The following HECW1 variants were observed in gnomAD, a reference collection of about 807,000 sequenced individuals.
HECW1 encodes the protein E3 ubiquitin-protein ligase HECW1.
A neutral mutation model predicts 182.3 loss-of-function variants in HECW1; 61 were observed. That is an observed-to-expected ratio of 0.33 (90% CI 0.27 to 0.41). HECW1 has a LOEUF of 0.41. Ranked by LOEUF, HECW1 falls within the 10% of genes least tolerant of loss-of-function variation. The pLI is 1.00. For synonymous variants in HECW1, 859 were observed against 832.6 expected (o/e 1.03, Z -0.55); for missense variants, 1,739 against 2,108.9 (o/e 0.82, Z 3.44).
At chr7:43,440,919 C>G (rs2076867908) in intron 9 of HECW1, among the ~76,000 whole-genome samples, 2 of 152,102 alleles carry the variant, frequency 1.3e-5, no homozygotes, top group South Asian at 4.2e-4. Context: ...TCTCATAATG[C>G]CAGTGTTTTC....
chr7:43,412,035 C>G (rs1215465072), intron 8 of HECW1, among the ~76,000 whole-genome samples: 1 of 152,024 alleles, frequency 6.6e-6, no homozygotes, highest in African/African-American at 2.4e-5. Flanking sequence ...CCCTTCTTGA[C>G]TTGTTTTTGG....
At chr7:43,310,374 C>G (rs1447275917) in intron 3 of HECW1, among the ~76,000 whole-genome samples, 1 of 152,200 alleles carries the variant, frequency 6.6e-6, no homozygotes, top group Non-Finnish European at 1.5e-5. Context: ...CATGGTCCAT[C>G]TATTTTCATA....
chr7:43,499,313 C>T (rs926470256), intron 19 of HECW1, among the ~76,000 whole-genome samples: 1 of 151,720 alleles, frequency 6.6e-6, no homozygotes, highest in Non-Finnish European at 1.5e-5. Context: ...AAAGAAAATA[C>T]AAAAACCTAG....
chr7:43,352,952 T>TG (rs797021271), intron 5 of HECW1, among the ~76,000 whole-genome samples: 122 of 151,996 alleles, frequency 8.0e-4, no homozygotes, highest in African/African-American at 2.8e-3. Context: ...TGTAGGAAGG[T>TG]GGGGGGGCAG....
chr7:43,201,713 A>C (rs1795030183), intron 2 of HECW1, among the ~76,000 whole-genome samples: 1 of 152,262 alleles, frequency 6.6e-6, no homozygotes, highest in South Asian at 2.1e-4. Context: ...AATCTTGGTC[A>C]GAGAATTTGT....
At chr7:43,280,673 G>A (rs575952688) in intron 3 of HECW1, among the ~76,000 whole-genome samples, 17 of 152,292 alleles carry the variant, frequency 1.1e-4, no homozygotes, top group African/African-American at 2.9e-4. Context: ...CCAGCACCCC[G>A]TTTCTGTGAT....
intron 24 of HECW1, among the ~76,000 whole-genome samples, chr7:43,524,736 CT>C (rs1465213461): frequency 3.3e-5 from 5 of 152,208 alleles, no homozygotes; most frequent in Non-Finnish European, 5.9e-5. Flanking sequence ...CAAGTTCCTA[CT>C]AGAGACTGTG....
intron 2 of HECW1, among the ~76,000 whole-genome samples, chr7:43,148,980 A>G (rs376723506): frequency 5.3e-5 from 8 of 152,230 alleles, no homozygotes; most frequent in East Asian, 3.9e-4. Flanking sequence ...GTTCTTCCCT[A>G]CAGAAGAATT....
intron 24 of HECW1, among the ~76,000 whole-genome samples, chr7:43,533,613 T>C (rs1182980105): frequency 6.9e-6 from 1 of 145,268 alleles, no homozygotes; most frequent in Non-Finnish European, 1.6e-5. Flanking sequence ...CTCCAGAAGA[T>C]GCCATAGTGG....
chr7:43,274,578 T>C (rs548813551), intron 3 of HECW1: 1 of 493,094 alleles, frequency 2.0e-6, no homozygotes, highest in Admixed American at 2.6e-5. Context: ...AACATCTTCT[T>C]TTAGGTGCAG....
intron 2 of HECW1, among the ~76,000 whole-genome samples, chr7:43,159,339 CA>C (rs1790252543): frequency 6.6e-6 from 1 of 151,204 alleles, no homozygotes; most frequent in Admixed American, 6.6e-5. Context: ...CCCCAGCCCC[CA>C]ACCCCCCGAC....
chr7:43,169,482 A>G lies in HECW1; in HGVS notation c.-32+55091A>G, dbSNP rs545160855. Among the ~76,000 whole-genome samples, 11 of 152,232 alleles carry G rather than the reference A, an allele frequency of 7.2e-5. No individual in the cohort carries two copies. In the East Asian group the frequency reaches 1.9e-3, roughly 27 times the overall value. ...CCCTGGGAGATACACCCTTTTCCCC[A>G]TTGAGAACCACTGGTGTCCAGAGAA... On this transcript the variant is annotated intron_variant, in intron 2 of 29. Transcript: ENST00000395891.
At position 43,414,902 on chromosome 7, in the gene HECW1, T is replaced by C. The variant is rs553599474; in HGVS notation, c.801+7171T>C. On this transcript the variant is annotated intron_variant, in intron 8 of 29. Coordinates refer to ENST00000395891, the MANE Select transcript of HECW1 (RefSeq NM_015052.5). ...TTTGCATCAATGTTCATCAAGGATATTGGTCTAAAATTCTCTTTTTTGGTT... is the reference window on the plus strand; with the variant it reads ...TTTGCATCAATGTTCATCAAGGATACTGGTCTAAAATTCTCTTTTTTGGTT... Among the ~76,000 whole-genome samples, 1,053 of 152,242 alleles carry C rather than the reference T, an allele frequency of 6.9e-3. 20 individuals are homozygous for C. The highest frequency in any genetic ancestry group is 5.9e-3 in the Non-Finnish European group (398 of 68,024).
At chr7:43,443,550 A>T (rs2076954294) in intron 10 of HECW1, among the ~76,000 whole-genome samples, 1 of 152,242 alleles carries the variant, frequency 6.6e-6, no homozygotes, top group Non-Finnish European at 1.5e-5. Flanking sequence ...GGAATTTCAC[A>T]TCTGGCAGGA....
chr7:43,479,297 G>T (rs996174354), intron 16 of HECW1, among the ~76,000 whole-genome samples: 1 of 152,154 alleles, frequency 6.6e-6, no homozygotes, highest in Non-Finnish European at 1.5e-5. Context: ...GTGCAACCCA[G>T]ATCCCACACA....
intron 24 of HECW1, among the ~76,000 whole-genome samples, chr7:43,515,250 A>G (rs1490540338): frequency 1.3e-5 from 2 of 151,926 alleles, no homozygotes; most frequent in Non-Finnish European, 2.9e-5. Flanking sequence ...ATTTGATGGC[A>G]TTCCCAGGCG....
chr7:43,233,896 A>G (rs1018156348), intron 2 of HECW1, among the ~76,000 whole-genome samples: 1 of 152,236 alleles, frequency 6.6e-6, no homozygotes, highest in South Asian at 2.1e-4. Context: ...CCTCAATAGA[A>G]AAAGGCAGAT....
intron 3 of HECW1, among the ~76,000 whole-genome samples, chr7:43,290,225 A>G (rs1805223631): frequency 6.6e-6 from 1 of 152,262 alleles, no homozygotes; most frequent in Non-Finnish European, 1.5e-5. Context: ...AAAAGATGTC[A>G]AAGACATATA....
intron 26 of HECW1, among the ~76,000 whole-genome samples, chr7:43,544,116 G>A (rs539044660): frequency 5.9e-5 from 9 of 152,100 alleles, no homozygotes; most frequent in Non-Finnish European, 1.3e-4. Flanking sequence ...TTGCACTAAA[G>A]AATGCTGATA....
Sources: gnomAD v4.1 joint callset for allele counts (sites outside exome capture counted in the v4.1 genomes callset) on GRCh38, gnomAD v4.1.1 for gene constraint, MANE v1.5 for transcripts, NCBI Gene and HGNC (gene_info 2026-07-23, HGNC 2026-07-21) for gene names.